Variants in ARID1B observed in about 807,000 individuals in gnomAD.
ARID1B encodes AT-rich interaction domain 1B.
Under a neutral mutation model 212.3 loss-of-function variants are expected in ARID1B, and 30 were observed. The ratio of observed to expected loss-of-function variants is 0.14; its 90% CI spans 0.11 to 0.19. ARID1B has a LOEUF of 0.19. Among genes scored for constraint, ARID1B ranks in the 10% least tolerant of loss-of-function variants. ARID1B has a pLI of 1.00. For missense variants in ARID1B, 2,891 were observed against 3,204.0 expected (o/e 0.90, Z 2.36); for synonymous variants, 1,402 against 1,301.7 (o/e 1.08, Z -1.66).
At chr6:156,878,194 C>T (rs1215067304) in intron 2 of ARID1B, among the ~76,000 whole-genome samples, 1 of 152,130 alleles carries the variant, frequency 6.6e-6, no homozygotes, top group African/African-American at 2.4e-5. Context: ...AGTTTCTCCA[C>T]TTATCTGGCT....
chr6:157,180,234 T>TAAA (rs1006052756), intron 11 of ARID1B, among the ~76,000 whole-genome samples: 2 of 152,038 alleles, frequency 1.3e-5, no homozygotes, highest in African/African-American at 2.4e-5. Context: ...TAGTGTCAGG[T>TAAA]AAAAGCAGGT....
chr6:156,934,525 A>G lies in ARID1B; in HGVS notation c.2137-941A>G, dbSNP rs146543156. ...GTTCCCCACTGTTGTTTTATTCTTT[A>G]TGATGGTTCTCTGAAAACTATGCCC... On this transcript the variant is annotated intron_variant, in intron 3 of 19. Transcript: ENST00000636930. Among the ~76,000 whole-genome samples, 174 of 152,160 alleles carry G rather than the reference A, an allele frequency of 1.1e-3. 1 individual carries two copies. Among genetic ancestry groups the G allele is most frequent in the African/African-American group, 4.1e-3 (171 of 41,528 alleles).
At chr6:157,074,050 C>G (rs1340021674) in intron 4 of ARID1B, among the ~76,000 whole-genome samples, 3 of 152,198 alleles carry the variant, frequency 2.0e-5, no homozygotes, top group African/African-American at 7.2e-5. Context: ...TTGTAATCAT[C>G]CCCATCCCCC....
intron 2 of ARID1B, among the ~76,000 whole-genome samples, chr6:156,877,443 G>A (rs1012710483): frequency 3.3e-5 from 5 of 152,092 alleles, no homozygotes; most frequent in Non-Finnish European, 7.4e-5. Flanking sequence ...TTTCCTTCAG[G>A]TGTCTCTTTC....
intron 3 of ARID1B, among the ~76,000 whole-genome samples, chr6:156,929,394 G>A (rs907013686): frequency 3.9e-5 from 6 of 152,156 alleles, no homozygotes; most frequent in Non-Finnish European, 8.8e-5. Flanking sequence ...ATGATTTCAC[G>A]AACTGTGGCA....
chr6:156,960,661 T>A (rs1178266029), intron 4 of ARID1B, among the ~76,000 whole-genome samples: 1 of 152,232 alleles, frequency 6.6e-6, no homozygotes, highest in Non-Finnish European at 1.5e-5. Flanking sequence ...TCTTTGTATT[T>A]CATTTTTATG....
At chr6:157,065,031 A>T (rs1783580865) in intron 4 of ARID1B, among the ~76,000 whole-genome samples, 1 of 152,226 alleles carries the variant, frequency 6.6e-6, no homozygotes, top group African/African-American at 2.4e-5. Flanking sequence ...TATTATTTGC[A>T]AATAGTTATT....
At chr6:156,812,776 G>T (rs564260161) in intron 1 of ARID1B, among the ~76,000 whole-genome samples, 19 of 150,344 alleles carry the variant, frequency 1.3e-4, no homozygotes, top group South Asian at 6.3e-4. Context: ...GACCAGGCCC[G>T]CAGCCCCCAT....
In ARID1B at chr6:157,039,882, T is replaced by TTCCTTCCTTCCTTC. The variant is rs1554287391; in HGVS notation, c.2248-44780_2248-44779insTCCTTCCTTCCTTC. ...TTTCTCTCTCTTTCTCTTTCTTTTC[T>TTCCTTCCTTCCTTC]CTTCCTTCCTTCCTTCCTTCCTTCC... On this transcript the variant is annotated intron_variant, in intron 4 of 19. Coordinates refer to ENST00000636930, the MANE Select transcript of ARID1B (RefSeq NM_001374828.1). Among the ~76,000 whole-genome samples, 142 of 67,284 alleles carry TTCCTTCCTTCCTTC rather than the reference T, an allele frequency of 2.1e-3. 2 individuals carry two copies. Among genetic ancestry groups the TTCCTTCCTTCCTTC allele is most frequent in the African/African-American group, 7.5e-3 (138 of 18,446 alleles). 44.1% of individuals were successfully genotyped at this position (67,284 alleles called of 152,430 possible).
chr6:157,058,495 C>G (rs1421165406), intron 4 of ARID1B, among the ~76,000 whole-genome samples: 2 of 152,128 alleles, frequency 1.3e-5, no homozygotes, highest in East Asian at 3.9e-4. Flanking sequence ...GAACTCCTGA[C>G]CTGAGGTGAT....
Position 156,778,381 on chromosome 6 carries a change from G to T in ARID1B, c.701G>T (p.Gly234Val). The stretch of plus-strand genomic sequence containing the variant: ...GCGGGCGGCGGCGCGCCTCAGCCCG[G>T]CCCCGACATGGAGCAGCCGCAACAT... ...GGAGGGAPQP[G>V]PDMEQPQHGG... The change falls in exon 1 of 20, where the codon GGC (glycine) becomes GTC (valine). Residue 234 changes from glycine to valine, a missense_variant. By Grantham distance (109) the Gly-to-Val change is moderately radical (BLOSUM62 -3). Around this residue, in one of 7 missense-constraint regions of ARID1B, gnomAD observed 1,643 missense variants for 1,544.0 expected, o/e 1.06. Transcript: ENST00000636930. 1 of 1,536,372 alleles carries T rather than the reference G, an allele frequency of 6.5e-7. No homozygotes were observed.
intron 7 of ARID1B, among the ~76,000 whole-genome samples, chr6:157,134,590 C>T (rs1289623789): frequency 6.6e-6 from 1 of 152,162 alleles, no homozygotes; most frequent in Non-Finnish European, 1.5e-5. Context: ...ATTTCAGTCC[C>T]AGTTGACAGT....
chr6:157,207,607 A>G lies in ARID1B; in HGVS notation c.6835A>G (p.Ile2279Val). 1 of 1,614,216 alleles carries G rather than the reference A, an allele frequency of 6.2e-7. No individual in the cohort carries two copies. The highest frequency in any genetic ancestry group is 8.5e-7 in the Non-Finnish European group (1 of 1,180,034). The change falls in exon 20 of 20, where the codon ATT becomes GTT. Residue 2279 changes from isoleucine (I) to valine (V), a missense_variant. Physicochemically the swap from Ile to Val is conservative, Grantham distance 29. Around this residue, in one of 7 missense-constraint regions of ARID1B, gnomAD observed 187 missense variants for 306.5 expected, o/e 0.61. Transcript: ENST00000636930. The surrounding 1 kb of genome is among the most constrained non-coding windows in gnomAD (Gnocchi z 8.5). The part of the protein sequence containing the change: ...ARAIAVQKGS[I>V]GNLISFLEDG... ...GGCCATAGCTGTGCAGAAAGGAAGC[A>G]TTGGAAACTTGATAAGCTTCCTAGA... is the stretch of plus-strand genomic sequence containing the variant.
chr6:157,004,259 T>C (rs1289773351), intron 4 of ARID1B, among the ~76,000 whole-genome samples: 2 of 152,156 alleles, frequency 1.3e-5, no homozygotes, highest in African/African-American at 4.8e-5. Context: ...CTACGATGTT[T>C]TCCATGGAAA....
intron 4 of ARID1B, among the ~76,000 whole-genome samples, chr6:156,960,241 C>T (rs1583031425): frequency 6.6e-6 from 1 of 152,130 alleles, no homozygotes; most frequent in East Asian, 1.9e-4. Flanking sequence ...TTGTCCCCTT[C>T]TTAATTTAAA....
chr6:157,136,316 A>G (rs1296357206), intron 7 of ARID1B, among the ~76,000 whole-genome samples: 2 of 152,086 alleles, frequency 1.3e-5, no homozygotes, highest in Admixed American at 6.5e-5. Flanking sequence ...GAGAACACCA[A>G]AGCCTTGAGA....
intron 1 of ARID1B, among the ~76,000 whole-genome samples, chr6:156,784,264 G>A (rs1779482158): frequency 6.6e-6 from 1 of 152,142 alleles, no homozygotes; most frequent in Non-Finnish European, 1.5e-5. Context: ...GCTTGCTTGA[G>A]GCTGAGGAAT....
intron 4 of ARID1B, among the ~76,000 whole-genome samples, chr6:157,083,558 G>A (rs183466685): frequency 3.3e-5 from 5 of 152,140 alleles, no homozygotes; most frequent in Admixed American, 1.3e-4. Flanking sequence ...TCCCCTTTTC[G>A]TCTTTAGCAC....
At chr6:156,865,652 A>T (rs774524283) in intron 2 of ARID1B, among the ~76,000 whole-genome samples, 1 of 151,862 alleles carries the variant, frequency 6.6e-6, no homozygotes, top group Non-Finnish European at 1.5e-5. Flanking sequence ...AGAACTCATC[A>T]TCTCATACTA....
Sources: allele counts gnomAD v4.1 joint callset (sites outside exome capture counted in the v4.1 genomes callset), GRCh38; gene constraint gnomAD v4.1.1; regional missense constraint gnomAD v4.1.1; non-coding constraint Gnocchi (gnomAD v3.1); transcripts MANE v1.5; gene names NCBI Gene and HGNC (gene_info 2026-07-23, HGNC 2026-07-21).